The following PELI2 variants were observed in gnomAD, a reference collection of about 807,000 sequenced individuals.
PELI2 encodes the protein E3 ubiquitin-protein ligase pellino homolog 2.
PELI2 carries 23 observed loss-of-function variants against 42.3 expected under a neutral mutation model. The observed-to-expected ratio is 0.54, with a 90% CI of 0.39 to 0.77. PELI2 has a LOEUF of 0.77. Ranked by LOEUF, PELI2 falls within the 30% of genes least tolerant of loss-of-function variation. The probability of loss-of-function intolerance (pLI) is 0.00; values close to 1 mark genes in which losing one functional copy is unlikely to be tolerated. For synonymous variants in PELI2, 245 were observed against 212.2 expected (o/e 1.15, Z -1.34); for missense variants, 463 against 553.2 (o/e 0.84, Z 1.64).
At chr14:56,280,402 C>A (rs532849210) in intron 3 of PELI2, among the ~76,000 whole-genome samples, 2 of 151,758 alleles carry the variant, frequency 1.3e-5, no homozygotes, top group African/African-American at 2.4e-5. Context: ...AAAAAACATT[C>A]GTCAGTTAAT....
intron 2 of PELI2, among the ~76,000 whole-genome samples, chr14:56,244,783 T>A (rs886586256): frequency 3.9e-5 from 6 of 152,246 alleles, no homozygotes; most frequent in Non-Finnish European, 7.3e-5. Context: ...ATAAAATATT[T>A]CTTCATGGTC....
rs1890128038 is a variant in PELI2 at position 56,300,059 on chromosome 14, T to C, written c.*2893T>C. ...TAGCAAAAAGGGCTACAGTTCACCC[T>C]GCAGAGTATTAAGGTTTCTGGATTT... On this transcript the variant is annotated 3_prime_UTR_variant, in exon 6 of 6. Transcript: ENST00000267460. The C allele has an allele frequency of 6.6e-6, 1 of 152,636 alleles. No homozygotes were observed. The highest frequency in any genetic ancestry group is 2.4e-5 in the African/African-American group (1 of 41,454). The allele number at this position is 152,636 out of a possible 1,614,324, so 9.5% of individuals were successfully genotyped here.
chr14:56,193,303 T>G (rs898697453), intron 2 of PELI2, among the ~76,000 whole-genome samples: 3 of 152,184 alleles, frequency 2.0e-5, no homozygotes, highest in Non-Finnish European at 4.4e-5. Flanking sequence ...ATGCTGATTT[T>G]CTCTATTACC....
chr14:56,222,933 C>T lies in PELI2; in HGVS notation c.207+44469C>T, dbSNP rs111480771. On this transcript the variant is annotated intron_variant, in intron 2 of 5. Transcript: ENST00000267460. Reference sequence around the variant, plus strand: ...TGATGGAGAAAGGGCAAAGGATGAACGAAGGAGAAGGGAACACGTACAGGA... The same window carrying T: ...TGATGGAGAAAGGGCAAAGGATGAATGAAGGAGAAGGGAACACGTACAGGA... 2.1e-3 allele frequency among the ~76,000 whole-genome samples: 326 copies of T among 152,164 alleles called. 1 individual carries two copies. The highest frequency in any genetic ancestry group is 7.6e-3 in the African/African-American group (314 of 41,492).
intron 2 of PELI2, among the ~76,000 whole-genome samples, chr14:56,263,541 A>C (rs1888798330): frequency 6.6e-6 from 1 of 152,232 alleles, no homozygotes; most frequent in Non-Finnish European, 1.5e-5. Context: ...AATAGAATTT[A>C]TAAAAGGTGG....
chr14:56,196,787 T>A (rs2139698188), intron 2 of PELI2, among the ~76,000 whole-genome samples: 1 of 152,358 alleles, frequency 6.6e-6, no homozygotes, highest in Middle Eastern at 3.4e-3. Flanking sequence ...ATTGTATTGT[T>A]TGACTTCTGT....
intron 2 of PELI2, among the ~76,000 whole-genome samples, chr14:56,269,102 T>C (rs1415969887): frequency 6.6e-5 from 10 of 152,158 alleles, no homozygotes; most frequent in Admixed American, 6.5e-4. Flanking sequence ...AAAGCTACAC[T>C]TTGCCCCTGT....
intron 2 of PELI2, among the ~76,000 whole-genome samples, chr14:56,204,797 C>T (rs971180137): frequency 1.3e-5 from 2 of 151,896 alleles, no homozygotes; most frequent in Non-Finnish European, 2.9e-5. Context: ...CACTTTGAGA[C>T]GCCAAGGTGG....
intron 2 of PELI2, among the ~76,000 whole-genome samples, chr14:56,236,632 A>T (rs1887806147): frequency 1.3e-5 from 2 of 152,170 alleles, no homozygotes; most frequent in Non-Finnish European, 2.9e-5. Flanking sequence ...ATTTCTTGGA[A>T]GCCTATCTGG....
chr14:56,196,981 A>G (rs1886154241), intron 2 of PELI2, among the ~76,000 whole-genome samples: 1 of 151,994 alleles, frequency 6.6e-6, no homozygotes, highest in African/African-American at 2.4e-5. Context: ...TATGTAACAT[A>G]TTTTTTCAGA....
In PELI2 at chr14:56,125,191, T is replaced by C. The variant is rs1000432147; in HGVS notation, c.77+6454T>C. ...CCTCCTGAGACCTAGTTTCGTGTGA[T>C]TGACCATTCATTCAGTGACTCAAGA... On this transcript the variant is annotated intron_variant, in intron 1 of 5. Transcript: ENST00000267460. Among the ~76,000 whole-genome samples the C allele has an allele frequency of 4.1e-4, 62 of 152,124 alleles. 1 individual carries two copies. The highest frequency in any genetic ancestry group is 2.9e-4 in the Non-Finnish European group (20 of 68,018).
At chr14:56,177,518 G>A (rs1885424579) in intron 1 of PELI2, among the ~76,000 whole-genome samples, 1 of 152,036 alleles carries the variant, frequency 6.6e-6, no homozygotes, top group African/African-American at 2.4e-5. Context: ...TAGCAATATG[G>A]GTCATCAGTA....
rs117283706 is a variant in PELI2 at position 56,227,534 on chromosome 14, G to A, written c.207+49070G>A. On this transcript the variant is annotated intron_variant, in intron 2 of 5. Transcript: ENST00000267460. ...TTTTGAATTGGAGTTATTGGTATGA[G>A]TTCATGGATTTCAGTACGTGCAGAC... Among the ~76,000 whole-genome samples, 749 of 152,356 alleles carry A rather than the reference G, an allele frequency of 4.9e-3. 5 individuals are homozygous for A. Among genetic ancestry groups the A allele is most frequent in the Non-Finnish European group, 9.1e-3 (622 of 68,038 alleles).
At chr14:56,189,261 G>A (rs1885877044) in intron 2 of PELI2, among the ~76,000 whole-genome samples, 1 of 152,224 alleles carries the variant, frequency 6.6e-6, no homozygotes, top group African/African-American at 2.4e-5. Context: ...AATAAAGCAT[G>A]TTTACTACTC....
chr14:56,262,170 G>A lies in PELI2; in HGVS notation c.208-17506G>A, dbSNP rs144896680. 5.9e-3 allele frequency among the ~76,000 whole-genome samples: 898 copies of A among 152,296 alleles called. 10 individuals carry two copies. Among genetic ancestry groups the A allele is most frequent in the African/African-American group, 0.02 (817 of 41,554 alleles). Reference sequence around the variant, plus strand: ...ACAGGCAAAATCCTAAGGCAAATCTGTCCTTTCATTTATTTGTCTTGCTTT... The same window carrying A: ...ACAGGCAAAATCCTAAGGCAAATCTATCCTTTCATTTATTTGTCTTGCTTT... On this transcript the variant is annotated intron_variant, in intron 2 of 5. Coordinates refer to ENST00000267460, the MANE Select transcript of PELI2 (RefSeq NM_021255.3).
At chr14:56,253,782 A>G (rs1302001195) in intron 2 of PELI2, among the ~76,000 whole-genome samples, 3 of 152,178 alleles carry the variant, frequency 2.0e-5, no homozygotes, top group Admixed American at 2.0e-4. Context: ...TGCCCAAAAG[A>G]TTCAGTGCTA....
chr14:56,215,544 A>G (rs1050524228), intron 2 of PELI2, among the ~76,000 whole-genome samples: 1 of 152,238 alleles, frequency 6.6e-6, no homozygotes, highest in African/African-American at 2.4e-5. Context: ...CCAAGACTAA[A>G]AGACATGATT....
chr14:56,235,470 C>T (rs535242827), intron 2 of PELI2, among the ~76,000 whole-genome samples: 62 of 152,334 alleles, frequency 4.1e-4, no homozygotes, highest in Admixed American at 7.2e-4. Flanking sequence ...CTCTCTTCTA[C>T]GCTAACGGGT....
chr14:56,242,653 C>T (rs577894580), intron 2 of PELI2, among the ~76,000 whole-genome samples: 2 of 152,262 alleles, frequency 1.3e-5, no homozygotes, highest in South Asian at 2.1e-4. Flanking sequence ...ATATACACAC[C>T]ATGGAATACT....
Sources: allele counts gnomAD v4.1 joint callset (sites outside exome capture counted in the v4.1 genomes callset), GRCh38; gene constraint gnomAD v4.1.1; transcripts MANE v1.5; gene names NCBI Gene and HGNC (gene_info 2026-07-23, HGNC 2026-07-21).